Variants in FAM107B observed in about 807,000 individuals in gnomAD.
FAM107B encodes protein FAM107B.
A neutral mutation model predicts 31.5 loss-of-function variants in FAM107B; 21 were observed. The ratio of observed to expected loss-of-function variants is 0.67; its 90% CI spans 0.47 to 0.96. FAM107B has a LOEUF of 0.96. Among genes scored for constraint, FAM107B ranks in the 40% least tolerant of loss-of-function variants. FAM107B has a pLI of 0.00. For synonymous variants in FAM107B, 157 were observed against 141.5 expected (o/e 1.11, Z -0.78); for missense variants, 452 against 377.1 (o/e 1.20, Z -1.64).
chr10:14,674,269 G>A (rs937981173), intron 1 of FAM107B, among the ~76,000 whole-genome samples: 4 of 152,176 alleles, frequency 2.6e-5, no homozygotes, highest in African/African-American at 7.2e-5. Context: ...AGACTCCAAA[G>A]CTCCTGCACA....
chr10:14,774,718 T>C lies in FAM107B; in HGVS notation c.-55A>G, dbSNP rs1833383845. ...ACGGGGCAAGGAAATTTTCCAGGGG[T>C]CCACATCACCTCCACTTTGCTTATA... On this transcript the variant is annotated 5_prime_UTR_variant, in exon 1 of 5. Coordinates refer to ENST00000181796, the MANE Select transcript of FAM107B (RefSeq NM_031453.4). 1 of 1,550,332 alleles carries C rather than the reference T, an allele frequency of 6.5e-7. No individual in the cohort carries two copies. The highest frequency in any genetic ancestry group is 2.3e-5 in the East Asian group (1 of 44,346).
At chr10:14,621,698 G>C (rs914701580) in intron 2 of FAM107B, among the ~76,000 whole-genome samples, 2 of 152,236 alleles carry the variant, frequency 1.3e-5, no homozygotes, top group African/African-American at 2.4e-5. Flanking sequence ...CTGGGGAAGA[G>C]AGGAAGGAGC....
chr10:14,595,423 T>TTG (rs1852156265), intron 2 of FAM107B, among the ~76,000 whole-genome samples: 1 of 3,558 alleles, frequency 2.8e-4, no homozygotes, highest in South Asian at 0.038. Context: ...TAGGGCAACC[T>TTG]TTTTTTTTTT....
At chr10:14,761,011 C>CAAAAAAAAAAA (rs565835423) in intron 1 of FAM107B, among the ~76,000 whole-genome samples, 2 of 77,624 alleles carry the variant, frequency 2.6e-5, no homozygotes, top group Non-Finnish European at 5.3e-5. Flanking sequence ...GACTCCGTTT[C>CAAAAAAAAAAA]AAAAAAAAAA....
At chr10:14,683,347 G>A (rs968489747) in intron 1 of FAM107B, among the ~76,000 whole-genome samples, 1 of 152,206 alleles carries the variant, frequency 6.6e-6, no homozygotes, top group African/African-American at 2.4e-5. Flanking sequence ...ATGAGTGATT[G>A]TTCCACACCG....
At chr10:14,603,390 C>G (rs771954816) in intron 2 of FAM107B, among the ~76,000 whole-genome samples, 9 of 152,150 alleles carry the variant, frequency 5.9e-5, no homozygotes, top group Non-Finnish European at 1.0e-4. Context: ...CCCTCAAAAT[C>G]GCACCCATCC....
chr10:14,571,668 G>T, intron 2 of FAM107B: 1 of 574,736 alleles, frequency 1.7e-6, no homozygotes, highest in Non-Finnish European at 2.2e-6. Context: ...ATACAAGTCT[G>T]CTATTGTGTT....
At chr10:14,561,043 A>G (rs1209423813) in intron 2 of FAM107B, among the ~76,000 whole-genome samples, 2 of 152,290 alleles carry the variant, frequency 1.3e-5, no homozygotes, top group East Asian at 3.9e-4. Context: ...CTACAACGAA[A>G]CCAGCCATCA....
At chr10:14,747,332 C>T (rs1230874152) in intron 1 of FAM107B, among the ~76,000 whole-genome samples, 1 of 152,128 alleles carries the variant, frequency 6.6e-6, no homozygotes, top group Non-Finnish European at 1.5e-5. Context: ...GTTCTGTGCT[C>T]TTGTTGGAGA....
chr10:14,774,618 A>T lies in FAM107B; in HGVS notation c.46T>A (p.Ser16Thr), dbSNP rs768095213. The T allele has an allele frequency of 1.2e-5, 20 of 1,614,136 alleles. No homozygotes were observed. The highest frequency in any genetic ancestry group is 1.6e-5 in the Non-Finnish European group (19 of 1,180,006). Residue 16 changes from serine (S) to threonine (T), a missense_variant, in exon 1 of 5, where the codon TCT (serine) becomes ACT (threonine). Transcript: ENST00000181796. ...ARLTKRLKSP[S>T]RSMHPFPCSA... ...CACGGAAATGGATGCATGCTTCTAG[A>T]GGGAGACTTCAGTCTTTTGGTGAGT... is the stretch of plus-strand genomic sequence containing the variant.
intron 2 of FAM107B, among the ~76,000 whole-genome samples, chr10:14,530,902 T>C (rs1009065750): frequency 8.5e-5 from 13 of 152,202 alleles, no homozygotes; most frequent in Non-Finnish European, 4.4e-5. Context: ...TGGCCCACAA[T>C]GGCTGCAGTT....
intron 2 of FAM107B, among the ~76,000 whole-genome samples, chr10:14,656,814 CA>C (rs1179630187): frequency 6.6e-6 from 1 of 152,224 alleles, no homozygotes; most frequent in Non-Finnish European, 1.5e-5. Flanking sequence ...AATTCTGCTT[CA>C]ATTTGTGCAC....
intron 2 of FAM107B, among the ~76,000 whole-genome samples, chr10:14,565,726 T>C (rs1363960990): frequency 2.6e-5 from 4 of 151,934 alleles, no homozygotes; most frequent in Non-Finnish European, 5.9e-5. Context: ...GTGGCAAAAG[T>C]GTCCTCAAAA....
At chr10:14,706,246 T>C (rs1855516299) in intron 1 of FAM107B, among the ~76,000 whole-genome samples, 1 of 152,198 alleles carries the variant, frequency 6.6e-6, no homozygotes, top group Non-Finnish European at 1.5e-5. Context: ...TCTCACTCTG[T>C]CACCCAGGTG....
chr10:14,589,196 A>G (rs1851940796), intron 2 of FAM107B, among the ~76,000 whole-genome samples: 1 of 152,014 alleles, frequency 6.6e-6, no homozygotes, highest in Non-Finnish European at 1.5e-5. Context: ...AGAAAAGAAA[A>G]AAAAGAGTAA....
intron 1 of FAM107B, among the ~76,000 whole-genome samples, chr10:14,768,692 T>C (rs1833235196): frequency 6.6e-6 from 1 of 152,214 alleles, no homozygotes; most frequent in Non-Finnish European, 1.5e-5. Context: ...GTGTATTTTA[T>C]CACAATAAAA....
intron 2 of FAM107B, among the ~76,000 whole-genome samples, chr10:14,631,619 G>C (rs997283244): frequency 6.6e-6 from 1 of 152,138 alleles, no homozygotes; most frequent in African/African-American, 2.4e-5. Flanking sequence ...AATTCAAGGA[G>C]ACTTCCAGGG....
At chr10:14,552,865 G>A (rs770586593) in intron 2 of FAM107B, among the ~76,000 whole-genome samples, 4 of 151,914 alleles carry the variant, frequency 2.6e-5, no homozygotes, top group Non-Finnish European at 5.9e-5. Context: ...TGCTTGTTGT[G>A]ACCCACTAAA....
Position 14,568,395 on chromosome 10 carries a change from G to GTGA in FAM107B, c.470-37881_470-37880insTCA, listed in dbSNP as rs11387364. Among the ~76,000 whole-genome samples the GTGA allele has an allele frequency of 1.8e-3, 49 of 27,134 alleles. 3 individuals carry two copies. Among genetic ancestry groups the GTGA allele is most frequent in the South Asian group, 4.2e-3 (3 of 712 alleles). 17.8% of individuals were successfully genotyped at this position (27,134 alleles called of 152,430 possible). On this transcript the variant is annotated intron_variant, in intron 2 of 4. Transcript: ENST00000181796. ...AGACCAGGAGGTGAAGATACTGGAG[G>GTGA]AGAAGGCTGGCTGATGATCCCAGGG...
Sources: allele counts gnomAD v4.1 joint callset (sites outside exome capture counted in the v4.1 genomes callset), GRCh38; gene constraint gnomAD v4.1.1; transcripts MANE v1.5; gene names NCBI Gene and HGNC (gene_info 2026-07-23, HGNC 2026-07-21).